Variants in DLGAP1 observed in about 807,000 individuals in gnomAD.
DLGAP1 encodes the protein DLG associated protein 1.
Under a neutral mutation model 90.8 loss-of-function variants are expected in DLGAP1, and 11 were observed. The ratio of observed to expected loss-of-function variants is 0.12; its 90% CI spans 0.08 to 0.20. The LOEUF is 0.20. Ranked by LOEUF, DLGAP1 falls within the 10% of genes least tolerant of loss-of-function variation. DLGAP1 has a pLI of 1.00. For missense variants in DLGAP1, 1,050 were observed against 1,333.8 expected (o/e 0.79, Z 3.31); for synonymous variants, 558 against 540.7 (o/e 1.03, Z -0.44).
chr18:4,178,982 A>G (rs180962212), intron 1 of DLGAP1, among the ~76,000 whole-genome samples: 95 of 152,298 alleles, frequency 6.2e-4, no homozygotes, highest in Admixed American at 2.7e-3. Flanking sequence ...ATTGCAAGGA[A>G]AATTATGTGT....
chr18:4,262,277 T>C (rs1226125588), intron 1 of DLGAP1, among the ~76,000 whole-genome samples: 1 of 152,200 alleles, frequency 6.6e-6, no homozygotes, highest in African/African-American at 2.4e-5. Context: ...TTCTATCTAA[T>C]TCCCTTAATT....
At chr18:4,044,836 C>T (rs1027506694) in intron 2 of DLGAP1, among the ~76,000 whole-genome samples, 1 of 152,116 alleles carries the variant, frequency 6.6e-6, no homozygotes, top group African/African-American at 2.4e-5. Context: ...TACAAAATCT[C>T]ATGTCAATTG....
chr18:4,217,968 T>C (rs1004708973), intron 1 of DLGAP1, among the ~76,000 whole-genome samples: 2 of 152,072 alleles, frequency 1.3e-5, no homozygotes, highest in Admixed American at 6.6e-5. Flanking sequence ...TTTGGTATTA[T>C]ATCTAAACAC....
At chr18:3,738,565 T>G (rs1475998550) in intron 6 of DLGAP1, among the ~76,000 whole-genome samples, 1 of 151,866 alleles carries the variant, frequency 6.6e-6, no homozygotes, top group African/African-American at 2.4e-5. Flanking sequence ...GAAAACTGGC[T>G]AGCCATATGT....
At chr18:4,136,058 A>T (rs777209695) in intron 2 of DLGAP1, among the ~76,000 whole-genome samples, 7 of 148,584 alleles carry the variant, frequency 4.7e-5, no homozygotes, top group Non-Finnish European at 8.9e-5. Flanking sequence ...GATGTTCCCC[A>T]TCCTGTGTCG....
chr18:4,134,055 T>C (rs577168042), intron 2 of DLGAP1, among the ~76,000 whole-genome samples: 7 of 152,126 alleles, frequency 4.6e-5, no homozygotes, highest in Non-Finnish European at 1.0e-4. Context: ...AATTTCATGA[T>C]GCATAATTAT....
intron 3 of DLGAP1, among the ~76,000 whole-genome samples, chr18:3,924,798 A>C (rs1259134053): frequency 6.6e-6 from 1 of 152,034 alleles, no homozygotes; most frequent in Admixed American, 6.6e-5. Context: ...TGTCAAAGGT[A>C]TTGTGTTTTG....
rs869289518 is a variant in DLGAP1 at position 3,833,186 on chromosome 18, CT to C, written c.958-18914del. On this transcript the variant is annotated intron_variant, in intron 4 of 12. Transcript: ENST00000315677. ...CCTTCCTTCCTTCCTTCCTTCCTTCCTTCCTTCCTTCCTTCCTTCCTTCCTT... is the reference window on the plus strand; with the variant it reads ...CCTTCCTTCCTTCCTTCCTTCCTTCCTCCTTCCTTCCTTCCTTCCTTCCTT... 1.1e-3 allele frequency among the ~76,000 whole-genome samples: 61 copies of C among 54,718 alleles called. 1 individual carries two copies. The highest frequency in any genetic ancestry group is 1.5e-3 in the Non-Finnish European group (42 of 27,494). 35.9% of individuals were successfully genotyped at this position (54,718 alleles called of 152,430 possible). A position where few individuals can be genotyped will look rare whatever the true frequency, so the allele number is the denominator to read the frequency against.
At chr18:3,543,906 A>G (rs572025672) in intron 9 of DLGAP1, among the ~76,000 whole-genome samples, 55 of 152,322 alleles carry the variant, frequency 3.6e-4, no homozygotes, top group Non-Finnish European at 6.6e-4. Flanking sequence ...TGAGATCTGC[A>G]CGGGTCCCAA....
At chr18:3,883,691 C>T (rs2071238028) in intron 3 of DLGAP1, among the ~76,000 whole-genome samples, 1 of 152,210 alleles carries the variant, frequency 6.6e-6, no homozygotes, top group Admixed American at 6.5e-5. Flanking sequence ...TTAATGAAAA[C>T]ATGACTGTGT....
At chr18:4,174,484 A>G (rs974229276) in intron 1 of DLGAP1, among the ~76,000 whole-genome samples, 9 of 151,580 alleles carry the variant, frequency 5.9e-5, no homozygotes, top group African/African-American at 1.5e-4. Flanking sequence ...ACAGGCGCCC[A>G]CCACCACGCC....
chr18:3,975,439 G>T (rs1236104578), intron 3 of DLGAP1, among the ~76,000 whole-genome samples: 1 of 152,156 alleles, frequency 6.6e-6, no homozygotes, highest in African/African-American at 2.4e-5. Flanking sequence ...ATTATTGAAA[G>T]AAACAGAAAG....
chr18:4,419,931 A>G (rs891904581), intron 1 of DLGAP1, among the ~76,000 whole-genome samples: 3 of 152,202 alleles, frequency 2.0e-5, no homozygotes, highest in African/African-American at 7.2e-5. Flanking sequence ...TGCTGTCCAC[A>G]AGAAACACAC....
At chr18:3,559,886 G>A (rs1055965231) in intron 9 of DLGAP1, among the ~76,000 whole-genome samples, 7 of 151,680 alleles carry the variant, frequency 4.6e-5, no homozygotes, top group African/African-American at 1.2e-4. Context: ...CTCCCAAAGT[G>A]CTGGGATTAC....
chr18:3,629,551 A>G (rs888973738), intron 7 of DLGAP1, among the ~76,000 whole-genome samples: 1 of 151,930 alleles, frequency 6.6e-6, no homozygotes, highest in Admixed American at 6.6e-5. Flanking sequence ...GGGCGCCTGT[A>G]GTCCCAGCTA....
chr18:3,960,701 C>A (rs992782826), intron 3 of DLGAP1, among the ~76,000 whole-genome samples: 1 of 152,224 alleles, frequency 6.6e-6, no homozygotes, highest in Non-Finnish European at 1.5e-5. Context: ...GAAGCCGAGG[C>A]TGTTAGTCTG....
intron 7 of DLGAP1, among the ~76,000 whole-genome samples, chr18:3,720,481 C>T (rs527729355): frequency 5.4e-4 from 82 of 152,240 alleles, no homozygotes; most frequent in African/African-American, 1.9e-3. Context: ...ATCAAGGACA[C>T]TTGGCAGCAG....
intron 10 of DLGAP1, among the ~76,000 whole-genome samples, chr18:3,523,714 G>A (rs563303938): frequency 8.5e-5 from 13 of 152,230 alleles, no homozygotes; most frequent in South Asian, 2.1e-4. Flanking sequence ...AGGCGTGGTG[G>A]CGTGCGCCCG....
intron 1 of DLGAP1, among the ~76,000 whole-genome samples, chr18:4,416,249 CTGGCAATAG>C (rs2082896705): frequency 6.6e-6 from 1 of 152,078 alleles, no homozygotes; most frequent in South Asian, 2.1e-4. Flanking sequence ...TTCAAGCATC[CTGGCAATAG>C]TGTCCTTTGT....
Sources: allele counts gnomAD v4.1 joint callset (sites outside exome capture counted in the v4.1 genomes callset), GRCh38; gene constraint gnomAD v4.1.1; transcripts MANE v1.5; gene names NCBI Gene and HGNC (gene_info 2026-07-23, HGNC 2026-07-21).